PDE4D: variants seen among roughly 807,000 people sequenced by gnomAD.
PDE4D encodes 3',5'-cyclic-AMP phosphodiesterase 4D.
Under a neutral mutation model 87.4 loss-of-function variants are expected in PDE4D, and 24 were observed. The observed-to-expected ratio is 0.27, with a 90% confidence interval of 0.20 to 0.39. The LOEUF (loss-of-function observed/expected upper bound fraction) is 0.39, where lower values mean the gene tolerates loss of function less well. Ranked by LOEUF, PDE4D falls within the 10% of genes least tolerant of loss-of-function variation. The pLI is 1.00. For missense variants in PDE4D, 714 were observed against 1,041.0 expected (o/e 0.69, Z 4.32); for synonymous variants, 384 against 383.2 (o/e 1.00, Z -0.02).
At chr5:59,892,931 C>T (rs1428935458) in intron 1 of PDE4D, among the ~76,000 whole-genome samples, 2 of 150,782 alleles carry the variant, frequency 1.3e-5, no homozygotes, top group Non-Finnish European at 3.0e-5. Context: ...CACACACACA[C>T]ACACACACGG....
Position 59,433,226 on chromosome 5 carries a change from A to G in PDE4D, c.456-217258T>C, listed in dbSNP as rs896623233. On this transcript the variant is annotated intron_variant, in intron 1 of 14. Coordinates refer to ENST00000340635, the MANE Select transcript of PDE4D (RefSeq NM_001104631.2). ...AGGGGTAACAATCAGAAATTGAAGA[A>G]TAAGATATAAACCTCTATGGTAGAG... Among the ~76,000 whole-genome samples, 8 of 152,256 alleles carry G rather than the reference A, an allele frequency of 5.3e-5. No individual in the cohort carries two copies. The East Asian group carries it at 1.5e-3, about 29-fold the overall frequency.
chr5:59,628,731 TG>T (rs1579979047), intron 1 of PDE4D, among the ~76,000 whole-genome samples: 1 of 152,172 alleles, frequency 6.6e-6, no homozygotes, highest in East Asian at 1.9e-4. Context: ...TGATTTACTT[TG>T]GCATATTATA....
intron 5 of PDE4D, among the ~76,000 whole-genome samples, chr5:59,160,833 C>T (rs186919900): frequency 3.2e-3 from 485 of 152,236 alleles, no homozygotes; most frequent in Non-Finnish European, 5.1e-3. Flanking sequence ...TGTGGTGGCT[C>T]ACGCCTGTAA....
At chr5:60,226,667 G>T (rs1413730030) in intron 1 of PDE4D, among the ~76,000 whole-genome samples, 1 of 152,060 alleles carries the variant, frequency 6.6e-6, no homozygotes, top group Non-Finnish European at 1.5e-5. Flanking sequence ...GGAATCAGAA[G>T]AAACAAGAGT....
At chr5:59,497,645 A>T (rs1024569403) in intron 1 of PDE4D, among the ~76,000 whole-genome samples, 4 of 152,096 alleles carry the variant, frequency 2.6e-5, no homozygotes, top group African/African-American at 9.7e-5. Context: ...ATAAAGAAAA[A>T]AATAATTTTA....
At chr5:59,177,989 C>T (rs1466392061) in intron 5 of PDE4D, among the ~76,000 whole-genome samples, 4 of 152,070 alleles carry the variant, frequency 2.6e-5, no homozygotes, top group Non-Finnish European at 5.9e-5. Flanking sequence ...CACAGTACAG[C>T]CAGGTTCCAA....
intron 3 of PDE4D, among the ~76,000 whole-genome samples, chr5:59,927,009 C>T (rs1236260777): frequency 6.6e-6 from 1 of 152,166 alleles, no homozygotes; most frequent in African/African-American, 2.4e-5. Context: ...TACTTCCAAA[C>T]ACATTCTATG....
intron 1 of PDE4D, among the ~76,000 whole-genome samples, chr5:60,467,513 C>A (rs1436421401): frequency 2.0e-5 from 3 of 152,202 alleles, no homozygotes; most frequent in African/African-American, 7.2e-5. Flanking sequence ...CCATCTCCAA[C>A]TGAATTCTCT....
At chr5:60,185,138 A>G (rs1436604777) in intron 2 of PDE4D, among the ~76,000 whole-genome samples, 1 of 152,172 alleles carries the variant, frequency 6.6e-6, no homozygotes, top group African/African-American at 2.4e-5. Flanking sequence ...AGCTCATAGA[A>G]GGGAAGAACT....
At chr5:59,545,665 T>C (rs762594287) in intron 1 of PDE4D, among the ~76,000 whole-genome samples, 2 of 152,228 alleles carry the variant, frequency 1.3e-5, no homozygotes, top group Non-Finnish European at 2.9e-5. Context: ...ATTTTTACTT[T>C]GAACTTTGAA....
chr5:59,770,434 G>A (rs1456321145), intron 1 of PDE4D, among the ~76,000 whole-genome samples: 4 of 152,100 alleles, frequency 2.6e-5, no homozygotes, highest in East Asian at 1.9e-4. Context: ...AATGAAATGC[G>A]TATATGATGA....
At chr5:59,694,092 G>T (rs1217660719) in intron 1 of PDE4D, among the ~76,000 whole-genome samples, 2 of 152,158 alleles carry the variant, frequency 1.3e-5, no homozygotes, top group Admixed American at 1.3e-4. Flanking sequence ...TACAAAGTCT[G>T]TGACACAATT....
At chr5:59,767,052 C>T (rs760636711) in intron 1 of PDE4D, among the ~76,000 whole-genome samples, 22 of 152,134 alleles carry the variant, frequency 1.4e-4, no homozygotes, top group Non-Finnish European at 2.4e-4. Flanking sequence ...TGACTTTCAT[C>T]TATAACATCA....
intron 1 of PDE4D, among the ~76,000 whole-genome samples, chr5:59,298,560 A>T (rs1172602098): frequency 6.6e-6 from 1 of 152,196 alleles, no homozygotes; most frequent in Non-Finnish European, 1.5e-5. Flanking sequence ...AAATCAAGAC[A>T]AAGCTCACAC....
At chr5:60,208,540 T>TC (rs1327090681) in intron 1 of PDE4D, among the ~76,000 whole-genome samples, 1 of 151,798 alleles carries the variant, frequency 6.6e-6, no homozygotes, top group East Asian at 1.9e-4. Context: ...GGACAATGGC[T>TC]CCCCCTTAGA....
chr5:59,685,868 T>C lies in PDE4D; in HGVS notation c.455+207300A>G, dbSNP rs562668315. ...CTGTCTGATCCAGATCCTCCAAGTA[T>C]GCAAATCAACAGGAAAAGTTCCAGC... On this transcript the variant is annotated intron_variant, in intron 1 of 14. Coordinates refer to ENST00000340635, the MANE Select transcript of PDE4D (RefSeq NM_001104631.2). 2.6e-5 allele frequency among the ~76,000 whole-genome samples: 4 copies of C among 152,214 alleles called. No homozygotes were observed. In the East Asian group the frequency reaches 7.7e-4, roughly 29 times the overall value.
chr5:59,199,993 T>C (rs574410469), intron 2 of PDE4D, among the ~76,000 whole-genome samples: 5 of 150,946 alleles, frequency 3.3e-5, no homozygotes, highest in Admixed American at 1.3e-4. Flanking sequence ...TACACATGCA[T>C]ACATGCATGC....
At chr5:59,405,013 T>C (rs1485102535) in intron 1 of PDE4D, among the ~76,000 whole-genome samples, 2 of 152,224 alleles carry the variant, frequency 1.3e-5, no homozygotes, top group South Asian at 2.1e-4. Flanking sequence ...AGTCAGGTAA[T>C]ATGATTCCTC....
chr5:60,155,504 ATTC>A (rs1245727071), intron 2 of PDE4D, among the ~76,000 whole-genome samples: 1 of 152,086 alleles, frequency 6.6e-6, no homozygotes, highest in Non-Finnish European at 1.5e-5. Flanking sequence ...GAGTTTTTGT[ATTC>A]TTCAATCATT....
Sources: allele counts gnomAD v4.1 joint callset (sites outside exome capture counted in the v4.1 genomes callset), GRCh38; gene constraint gnomAD v4.1.1; transcripts MANE v1.5; gene names NCBI Gene and HGNC (gene_info 2026-07-23, HGNC 2026-07-21).